Variants in SH3BGRL observed in about 807,000 individuals in gnomAD.
SH3BGRL encodes the protein adapter SH3BGRL.
Under a neutral mutation model 9.8 loss-of-function variants are expected in SH3BGRL, and 7 were observed. That is an observed-to-expected ratio of 0.72 (90% CI 0.41 to 1.35). The LOEUF (loss-of-function observed/expected upper bound fraction) is 1.35. SH3BGRL is among the 40% of genes most tolerant of loss of function. The pLI, the probability that SH3BGRL is intolerant of heterozygous loss-of-function variation, is 0.01. For missense variants in SH3BGRL, 73 were observed against 84.4 expected, an observed-to-expected ratio of 0.86 and a Z score of 0.53; for synonymous variants, 36 against 29.1, an observed-to-expected ratio of 1.24 and a Z score of -0.76.
intron 1 of SH3BGRL, among the ~76,000 whole-genome samples, chrX:81,248,311 A>G (rs752956483): frequency 1.8e-5 from 2 of 112,140 alleles, no homozygotes; most frequent in East Asian, 5.7e-4. Flanking sequence ...GCTGCACTCA[A>G]TACAGCTAGG....
rs754901037 is a variant in SH3BGRL at position 81,278,333 on chromosome X, C to T, written c.234C>T (p.Asp78=). The T allele has an allele frequency of 2.6e-6, 3 of 1,174,804 alleles. No homozygotes were observed. In the South Asian group the frequency reaches 5.6e-5, roughly 22 times the overall value. ...QIFNESQYRG[D]YDAFFEAREN... ...CATCTTATCTTCTTTTCATCAAGGA[C>T]TATGATGCCTTCTTTGAAGCCAGAG... is the stretch of plus-strand genomic sequence containing the variant. Residue 78 remains aspartate, a splice_region_variant and synonymous_variant, in exon 3 of 4, where the codon GAC becomes GAT. Coordinates refer to ENST00000373212, the MANE Select transcript of SH3BGRL (RefSeq NM_003022.3).
intron 2 of SH3BGRL, 116 bp downstream of exon 2, chrX:81,277,285 A>G: frequency 1.7e-6 from 1 of 595,399 alleles, no homozygotes; most frequent in Non-Finnish European, 2.6e-6. Context: ...GCATATAGTC[A>G]TTTGTCCTTT....
At chrX:81,295,940 C>A (rs2075872970) in intron 3 of SH3BGRL, among the ~76,000 whole-genome samples, 1 of 111,294 alleles carries the variant, frequency 9.0e-6, no homozygotes, top group African/African-American at 3.3e-5. Flanking sequence ...TTTCAGGTAT[C>A]TTTATAGTAA....
chrX:81,271,090 G>A (rs1320441173), intron 1 of SH3BGRL, among the ~76,000 whole-genome samples: 1 of 112,013 alleles, frequency 8.9e-6, no homozygotes, highest in Admixed American at 9.4e-5. Flanking sequence ...GGCTGGTTGC[G>A]AAGACTTTAG....
At chrX:81,222,633 A>C (rs1438217884) in intron 1 of SH3BGRL, among the ~76,000 whole-genome samples, 11 of 111,126 alleles carry the variant, frequency 9.9e-5, no homozygotes, top group Non-Finnish European at 1.3e-4. Flanking sequence ...CAATAAATAT[A>C]CATGTGCATG....
chrX:81,223,984 C>G (rs1371126634), intron 1 of SH3BGRL, among the ~76,000 whole-genome samples: 3 of 111,832 alleles, frequency 2.7e-5, no homozygotes, highest in African/African-American at 9.7e-5. Context: ...CTGCACCTGG[C>G]CAAATTCTTT....
intron 1 of SH3BGRL, among the ~76,000 whole-genome samples, chrX:81,209,993 T>C (rs2075558511): frequency 9.0e-6 from 1 of 111,689 alleles, no homozygotes; most frequent in African/African-American, 3.3e-5. Context: ...TCTGTAAATC[T>C]AAATTAACCA....
At chrX:81,256,672 T>A (rs1211298399) in intron 1 of SH3BGRL, among the ~76,000 whole-genome samples, 2 of 112,483 alleles carry the variant, frequency 1.8e-5, no homozygotes, top group African/African-American at 3.2e-5. Context: ...TGCTTAGGCA[T>A]CAGCCCAGCG....
chrX:81,224,567 AC>A (rs201804768), intron 1 of SH3BGRL, among the ~76,000 whole-genome samples: 1,850 of 111,704 alleles, frequency 0.017, 15 homozygotes, highest in South Asian at 0.035. Context: ...GGCACAAGTT[AC>A]GTGCTTAACC....
At chrX:81,294,670 G>T (rs777304048) in intron 3 of SH3BGRL, among the ~76,000 whole-genome samples, 2 of 111,305 alleles carry the variant, frequency 1.8e-5, no homozygotes, top group Non-Finnish European at 3.8e-5. Flanking sequence ...GCCTAGTAGA[G>T]CTGTGAGAAG....
At chrX:81,219,985 A>T (rs766382212) in intron 1 of SH3BGRL, among the ~76,000 whole-genome samples, 1 of 111,413 alleles carries the variant, frequency 9.0e-6, no homozygotes, top group Admixed American at 9.6e-5. Context: ...GTCATGATGA[A>T]TGATCTTTTT....
intron 1 of SH3BGRL, among the ~76,000 whole-genome samples, chrX:81,245,427 G>A (rs890351737): frequency 2.7e-5 from 3 of 111,342 alleles, no homozygotes; most frequent in African/African-American, 9.8e-5. Flanking sequence ...ATTTTTTCCA[G>A]ATTTCTTCCT....
chrX:81,233,057 A>G (rs1302586919), intron 1 of SH3BGRL, among the ~76,000 whole-genome samples: 1 of 111,468 alleles, frequency 9.0e-6, no homozygotes, highest in Admixed American at 9.5e-5. Context: ...CAACTATATG[A>G]TACATATACA....
intron 1 of SH3BGRL, among the ~76,000 whole-genome samples, chrX:81,221,218 A>T (rs1343952644): frequency 9.0e-6 from 1 of 111,719 alleles, no homozygotes; most frequent in African/African-American, 3.3e-5. Context: ...CAGGTCTTGA[A>T]GTCTCCAGCA....
At chrX:81,213,615 C>T (rs1372407216) in intron 1 of SH3BGRL, among the ~76,000 whole-genome samples, 1 of 109,850 alleles carries the variant, frequency 9.1e-6, no homozygotes, top group Non-Finnish European at 1.9e-5. Flanking sequence ...TTTAACTTTC[C>T]TCCTCATTTA....
intron 1 of SH3BGRL, among the ~76,000 whole-genome samples, chrX:81,231,925 C>T (rs1445443578): frequency 9.0e-6 from 1 of 111,537 alleles, no homozygotes; most frequent in Non-Finnish European, 1.9e-5. Flanking sequence ...TGCATGTTCA[C>T]ATATATTTAT....
At chrX:81,213,182 A>T (rs2075570893) in intron 1 of SH3BGRL, among the ~76,000 whole-genome samples, 1 of 111,917 alleles carries the variant, frequency 8.9e-6, no homozygotes, top group Non-Finnish European at 1.9e-5. Context: ...GAAACCTTGG[A>T]TTGTCAGAAC....
In SH3BGRL at chrX:81,271,958, G is replaced by C. The variant is rs747322971; in HGVS notation, c.46-5026G>C. ...GCCTGTAATCCCAGCACTTTGGGAGGCTGAAGTGGGCGGATCATGAGGTCA... is the reference window on the plus strand; with the variant it reads ...GCCTGTAATCCCAGCACTTTGGGAGCCTGAAGTGGGCGGATCATGAGGTCA... On this transcript the variant is annotated intron_variant, in intron 1 of 3. Coordinates refer to ENST00000373212, the MANE Select transcript of SH3BGRL (RefSeq NM_003022.3). 8.1e-5 allele frequency among the ~76,000 whole-genome samples: 9 copies of C among 111,031 alleles called. No homozygotes were observed. The South Asian group carries it at 3.5e-3, about 43-fold the overall frequency.
chrX:81,227,276 G>A (rs1166986728), intron 1 of SH3BGRL, among the ~76,000 whole-genome samples: 1 of 112,292 alleles, frequency 8.9e-6, no homozygotes, highest in African/African-American at 3.2e-5. Context: ...ATTTGAAATG[G>A]CCACATTTTA....
Sources: gnomAD v4.1 joint callset for allele counts (sites outside exome capture counted in the v4.1 genomes callset) on GRCh38, gnomAD v4.1.1 for gene constraint, MANE v1.5 for transcripts, NCBI Gene and HGNC (gene_info 2026-07-23, HGNC 2026-07-21) for gene names.